Variants in ROBO1 observed in about 807,000 individuals in gnomAD.
ROBO1 encodes roundabout guidance receptor 1, also known as roundabout homolog 1.
ROBO1 carries 149 observed loss-of-function variants against 195.9 expected under a neutral mutation model. The ratio of observed to expected loss-of-function variants is 0.76; its 90% CI spans 0.67 to 0.87. The LOEUF (loss-of-function observed/expected upper bound fraction) is 0.87. ROBO1 is among the 40% of genes least tolerant of loss of function. ROBO1 has a pLI of 0.00. For synonymous variants in ROBO1, 816 were observed against 733.2 expected, an observed-to-expected ratio of 1.11 and a Z score of -1.82; for missense variants, 1,933 against 2,068.3, an observed-to-expected ratio of 0.93 and a Z score of 1.27.
At chr3:79,321,632 G>T (rs144716243) in intron 2 of ROBO1, among the ~76,000 whole-genome samples, 1 of 152,148 alleles carries the variant, frequency 6.6e-6, no homozygotes, top group African/African-American at 2.4e-5. Flanking sequence ...TATAGTGATA[G>T]CCTAGAATGA....
At chr3:79,328,738 A>G (rs1371414071) in intron 2 of ROBO1, among the ~76,000 whole-genome samples, 1 of 152,022 alleles carries the variant, frequency 6.6e-6, no homozygotes, top group African/African-American at 2.4e-5. Context: ...AGCAGAGTAC[A>G]CTGTACCCAA....
At chr3:79,363,006 C>T (rs781069091) in intron 2 of ROBO1, among the ~76,000 whole-genome samples, 16 of 152,118 alleles carry the variant, frequency 1.1e-4, no homozygotes, top group Non-Finnish European at 1.9e-4. Flanking sequence ...GGAAAGGGTA[C>T]ATAAGACTGA....
At chr3:78,831,851 T>C (rs1046373131) in intron 4 of ROBO1, among the ~76,000 whole-genome samples, 1 of 152,096 alleles carries the variant, frequency 6.6e-6, no homozygotes, top group Non-Finnish European at 1.5e-5. Context: ...TATAAAACCA[T>C]CAGATTTTGT....
chr3:79,496,385 A>AACATTTTTTT (rs1939738506), intron 2 of ROBO1, among the ~76,000 whole-genome samples: 1 of 80,464 alleles, frequency 1.2e-5, no homozygotes, highest in African/African-American at 8.6e-5. Flanking sequence ...CTGCGCACCC[A>AACATTTTTTT]TCTTTTTTTG....
At chr3:78,683,108 G>T (rs1008544769) in intron 10 of ROBO1, among the ~76,000 whole-genome samples, 4 of 148,964 alleles carry the variant, frequency 2.7e-5, no homozygotes, top group African/African-American at 1.0e-4. Flanking sequence ...CAGATACAAT[G>T]TTGGCTAGGA....
chr3:79,015,627 G>A (rs184688646), intron 3 of ROBO1, among the ~76,000 whole-genome samples: 10 of 152,222 alleles, frequency 6.6e-5, no homozygotes, highest in Admixed American at 5.2e-4. Flanking sequence ...CCAGAAGTCT[G>A]TCTGTCCATA....
At chr3:79,440,208 G>A (rs1461701975) in intron 2 of ROBO1, among the ~76,000 whole-genome samples, 1 of 151,924 alleles carries the variant, frequency 6.6e-6, no homozygotes. Context: ...CTGGTTTAAA[G>A]TACAATAAAC....
intron 2 of ROBO1, among the ~76,000 whole-genome samples, chr3:79,497,667 A>T (rs1350971256): frequency 1.3e-5 from 2 of 152,194 alleles, no homozygotes; most frequent in Non-Finnish European, 2.9e-5. Flanking sequence ...AAGGGACAAA[A>T]ATCTTGGCAC....
chr3:78,885,412 TAAAAAAAAA>T (rs59912706), intron 4 of ROBO1, among the ~76,000 whole-genome samples: 4 of 53,702 alleles, frequency 7.4e-5, no homozygotes, highest in East Asian at 8.1e-4. Context: ...AATTTAAAAC[TAAAAAAAAA>T]AAAAAAAAAA....
At chr3:78,757,375 A>G (rs144488394) in intron 4 of ROBO1, among the ~76,000 whole-genome samples, 1 of 152,244 alleles carries the variant, frequency 6.6e-6, no homozygotes, top group Non-Finnish European at 1.5e-5. Flanking sequence ...AGTGCCTGAA[A>G]AAGACTAGAG....
At chr3:79,387,067 T>C (rs2106672220) in intron 2 of ROBO1, among the ~76,000 whole-genome samples, 1 of 152,268 alleles carries the variant, frequency 6.6e-6, no homozygotes, top group East Asian at 1.9e-4. Context: ...AGTGGGCTTC[T>C]CCTTCATCTA....
chr3:79,192,976 G>T (rs2081567313), intron 2 of ROBO1, among the ~76,000 whole-genome samples: 1 of 151,622 alleles, frequency 6.6e-6, no homozygotes, highest in Admixed American at 6.6e-5. Context: ...GAAGTGAATT[G>T]ATTCAAAATA....
At chr3:78,826,490 A>G (rs2031615574) in intron 4 of ROBO1, among the ~76,000 whole-genome samples, 1 of 152,188 alleles carries the variant, frequency 6.6e-6, no homozygotes, top group African/African-American at 2.4e-5. Flanking sequence ...GTTAGAGATC[A>G]GTCAGAGAGG....
intron 22 of ROBO1, among the ~76,000 whole-genome samples, chr3:78,637,066 A>AAC (rs1705564718): frequency 8.0e-6 from 1 of 125,284 alleles, no homozygotes; most frequent in African/African-American, 4.0e-5. Flanking sequence ...GTTAAATTAC[A>AAC]ATGGTAAAAA....
intron 2 of ROBO1, among the ~76,000 whole-genome samples, chr3:79,396,602 A>T (rs566446593): frequency 1.3e-5 from 2 of 152,268 alleles, no homozygotes; most frequent in South Asian, 4.1e-4. Context: ...TACATTATGT[A>T]ACGACAGTTA....
At chr3:79,491,526 A>C (rs1939454313) in intron 2 of ROBO1, among the ~76,000 whole-genome samples, 2 of 152,180 alleles carry the variant, frequency 1.3e-5, no homozygotes, top group Admixed American at 6.5e-5. Context: ...AGATTTGTTA[A>C]ATTCATGAAA....
intron 2 of ROBO1, among the ~76,000 whole-genome samples, chr3:79,327,374 C>G (rs946765376): frequency 6.6e-6 from 1 of 151,736 alleles, no homozygotes; most frequent in African/African-American, 2.4e-5. Context: ...AATTTATTTC[C>G]ATTAAAAAAG....
intron 4 of ROBO1, among the ~76,000 whole-genome samples, chr3:78,763,645 A>G (rs1159215083): frequency 6.6e-6 from 1 of 152,136 alleles, no homozygotes; most frequent in Non-Finnish European, 1.5e-5. Context: ...TTTAATTTAT[A>G]ATTTAAGTCA....
chr3:79,767,690 T>C (rs1277619568), intron 1 of ROBO1, 62 bp downstream of exon 1: 1 of 152,186 alleles, frequency 6.6e-6, no homozygotes, highest in Non-Finnish European at 1.5e-5. Flanking sequence ...AAACCCAGCG[T>C]GTCCCCTTTT....
Sources: gnomAD v4.1 joint callset for allele counts (sites outside exome capture counted in the v4.1 genomes callset) on GRCh38, gnomAD v4.1.1 for gene constraint, MANE v1.5 for transcripts, NCBI Gene and HGNC (gene_info 2026-07-23, HGNC 2026-07-21) for gene names.